The following TRAPPC9 variants were observed in gnomAD, a reference collection of about 807,000 sequenced individuals.
TRAPPC9 encodes the protein IKK2 binding protein.
A neutral mutation model predicts 124.0 loss-of-function variants in TRAPPC9; 83 were observed. That is an observed-to-expected ratio of 0.67 (90% CI 0.56 to 0.80). The LOEUF is 0.80. Ranked by LOEUF, TRAPPC9 falls within the 30% of genes least tolerant of loss-of-function variation. The pLI is 0.00. For missense variants in TRAPPC9, 1,302 were observed against 1,508.3 expected (o/e 0.86, Z 2.27); for synonymous variants, 638 against 617.5 (o/e 1.03, Z -0.49).
chr8:140,267,099 GC>G (rs2064694324), intron 15 of TRAPPC9, among the ~76,000 whole-genome samples: 1 of 152,196 alleles, frequency 6.6e-6, no homozygotes, highest in Non-Finnish European at 1.5e-5. Context: ...AGAAAACAAA[GC>G]AAGAAACTTC....
intron 17 of TRAPPC9, among the ~76,000 whole-genome samples, chr8:140,207,082 G>A (rs927937705): frequency 1.3e-5 from 2 of 152,208 alleles, no homozygotes; most frequent in African/African-American, 2.4e-5. Flanking sequence ...GGAGCCGTGC[G>A]TCTCTTCAGC....
At chr8:140,149,095 A>G (rs149895627) in intron 17 of TRAPPC9, among the ~76,000 whole-genome samples, 44 of 152,216 alleles carry the variant, frequency 2.9e-4, no homozygotes, top group African/African-American at 9.1e-4. Flanking sequence ...TGGCGCTAAT[A>G]CATAAGAAAA....
At chr8:140,144,793 G>A (rs935615875) in intron 17 of TRAPPC9, among the ~76,000 whole-genome samples, 1 of 151,220 alleles carries the variant, frequency 6.6e-6, no homozygotes, top group Non-Finnish European at 1.5e-5. Context: ...AGCTTTAATT[G>A]TATTTTTCTA....
chr8:139,781,458 AG>A (rs2130527258), intron 21 of TRAPPC9, among the ~76,000 whole-genome samples: 1 of 152,356 alleles, frequency 6.6e-6, no homozygotes, highest in East Asian at 1.9e-4. Context: ...GCCAAACAAT[AG>A]GGGTTAGGGT....
In TRAPPC9 at chr8:139,840,666, C is replaced by T. The variant is rs750126487; in HGVS notation, c.3055+45213G>A. 2.6e-5 allele frequency among the ~76,000 whole-genome samples: 4 copies of T among 152,256 alleles called. No individual in the cohort carries two copies. In the East Asian group the frequency reaches 5.8e-4, roughly 22 times the overall value. ...CGGGCCAGGAGGGTGGCGGTTTCCA[C>T]GCGTGGGAGGTTTCTCAGCAATGCA... On this transcript the variant is annotated intron_variant, in intron 21 of 22. Transcript: ENST00000438773.
chr8:140,127,703 C>T (rs939278511), intron 17 of TRAPPC9, among the ~76,000 whole-genome samples: 14 of 152,192 alleles, frequency 9.2e-5, no homozygotes, highest in South Asian at 2.1e-4. Context: ...AAAGGAGATA[C>T]GTTCTTGATT....
At chr8:140,270,952 T>C (rs995420359) in intron 15 of TRAPPC9, among the ~76,000 whole-genome samples, 1 of 152,332 alleles carries the variant, frequency 6.6e-6, no homozygotes, top group Middle Eastern at 3.4e-3. Flanking sequence ...GTGAAGACTT[T>C]TGCTTCAGAA....
At chr8:140,430,082 G>T (rs527650665) in intron 4 of TRAPPC9, among the ~76,000 whole-genome samples, 1 of 151,584 alleles carries the variant, frequency 6.6e-6, no homozygotes, top group African/African-American at 2.4e-5. Flanking sequence ...GGGACGCAGA[G>T]GTTGCAGTGA....
chr8:140,025,037 G>A (rs1419341547), intron 17 of TRAPPC9, among the ~76,000 whole-genome samples: 4 of 152,210 alleles, frequency 2.6e-5, no homozygotes, highest in Non-Finnish European at 2.9e-5. Flanking sequence ...CCCAGTGAGA[G>A]GCGAAGAACA....
intron 21 of TRAPPC9, among the ~76,000 whole-genome samples, chr8:139,752,932 T>C (rs985888092): frequency 2.1e-5 from 3 of 139,984 alleles, no homozygotes; most frequent in Non-Finnish European, 3.0e-5. Flanking sequence ...CATCTACCCA[T>C]GCATCCACCC....
At chr8:140,215,514 C>T (rs932537507) in intron 17 of TRAPPC9, among the ~76,000 whole-genome samples, 3 of 151,918 alleles carry the variant, frequency 2.0e-5, no homozygotes, top group Non-Finnish European at 4.4e-5. Flanking sequence ...GTCCTGGTGG[C>T]GGACACCTGT....
chr8:140,253,056 A>G (rs2064165866), intron 15 of TRAPPC9, 127 bp from the exon 16 acceptor site: 1 of 946,852 alleles, frequency 1.1e-6, no homozygotes, highest in Non-Finnish European at 1.6e-6. Context: ...AAAATGTGTA[A>G]GATCAAAGTG....
chr8:140,195,184 A>G (rs1439983458), intron 17 of TRAPPC9, among the ~76,000 whole-genome samples: 4 of 152,068 alleles, frequency 2.6e-5, no homozygotes, highest in African/African-American at 7.3e-5. Context: ...GATCCACCGA[A>G]CAGATCATAC....
At chr8:140,368,943 A>G (rs2068200828) in intron 8 of TRAPPC9, among the ~76,000 whole-genome samples, 1 of 152,240 alleles carries the variant, frequency 6.6e-6, no homozygotes, top group Admixed American at 6.5e-5. Context: ...GGGATTTCGC[A>G]AAGTATAGCT....
chr8:139,888,897 C>A (rs944371465), intron 20 of TRAPPC9, among the ~76,000 whole-genome samples: 1 of 152,214 alleles, frequency 6.6e-6, no homozygotes, highest in Non-Finnish European at 1.5e-5. Flanking sequence ...TGTGACCCAA[C>A]AGACAGTCTT....
Position 140,104,293 on chromosome 8 carries a change from G to A in TRAPPC9, c.2557-80214C>T, listed in dbSNP as rs1021786389. Among the ~76,000 whole-genome samples, 69 of 152,098 alleles carry A rather than the reference G, an allele frequency of 4.5e-4. No individual in the cohort carries two copies. The highest frequency in any genetic ancestry group is 1.7e-3 in the Admixed American group (26 of 15,288). On this transcript the variant is annotated intron_variant, in intron 17 of 22. Transcript: ENST00000438773. The surrounding 1 kb of genome is among the most constrained non-coding windows in gnomAD (Gnocchi z 4.0). ...CTGAACGGAACCAGGAGGGCTCCCC[G>A]CTCTGCAATGGGTCTTGAAGAACGA...
At chr8:139,994,548 C>T (rs1837848298) in intron 18 of TRAPPC9, among the ~76,000 whole-genome samples, 1 of 152,168 alleles carries the variant, frequency 6.6e-6, no homozygotes, top group Non-Finnish European at 1.5e-5. Flanking sequence ...TCAGGTGACA[C>T]CTGCATAAAT....
intron 9 of TRAPPC9, among the ~76,000 whole-genome samples, chr8:140,337,104 G>A (rs1177858873): frequency 6.6e-6 from 1 of 152,144 alleles, no homozygotes; most frequent in Admixed American, 6.5e-5. Flanking sequence ...AGGATGTGGG[G>A]TCAGGCATGT....
chr8:139,774,947 G>C (rs779740156), intron 21 of TRAPPC9, among the ~76,000 whole-genome samples: 1 of 152,204 alleles, frequency 6.6e-6, no homozygotes, highest in Non-Finnish European at 1.5e-5. Context: ...ACAAGAACCT[G>C]AGCAGAACGC....
Sources: gnomAD v4.1 joint callset for allele counts (sites outside exome capture counted in the v4.1 genomes callset) on GRCh38, gnomAD v4.1.1 for gene constraint, Gnocchi (gnomAD v3.1) non-coding constraint, MANE v1.5 for transcripts, NCBI Gene and HGNC (gene_info 2026-07-23, HGNC 2026-07-21) for gene names.